F7: variants seen among roughly 807,000 people sequenced by gnomAD.
F7 encodes coagulation factor VII.
A neutral mutation model predicts 47.5 loss-of-function variants in F7; 38 were observed. The ratio of observed to expected loss-of-function variants is 0.80; its 90% CI spans 0.62 to 1.05. The LOEUF is 1.05. Among genes scored for constraint, F7 ranks in the 50% least tolerant of loss-of-function variants. The probability of loss-of-function intolerance (pLI) is 0.00; values close to 1 mark genes in which losing one functional copy is unlikely to be tolerated. For missense variants in F7, 575 were observed against 605.4 expected, an observed-to-expected ratio of 0.95 and a Z score of 0.53; for synonymous variants, 244 against 258.5, an observed-to-expected ratio of 0.94 and a Z score of 0.54.
intron 1 of F7, chr13:113,106,830 ACCTT>A (rs758600377): frequency 6.3e-7 from 1 of 1,588,750 alleles, no homozygotes; most frequent in East Asian, 2.3e-5. Flanking sequence ...GACCCCGGCC[ACCTT>A]CCTGCCCCAG....
chr13:113,109,194 AGGGGCGTGGGTGTCCGG>A lies in F7; in HGVS notation c.65-1480_65-1464del, dbSNP rs1286659822. Among the ~76,000 whole-genome samples the A allele has an allele frequency of 1.5e-4, 7 of 45,864 alleles. No homozygotes were observed. The South Asian group carries it at 2.4e-3, about 16-fold the overall frequency. The allele number at this position is 45,864 out of a possible 152,430, so 30.1% of individuals were successfully genotyped here. A position where few individuals can be genotyped will look rare whatever the true frequency, so the allele number is the denominator to read the frequency against. ...GGTATCCCAGAAGTGTGAGTGTCCCAGGGGCGTGGGTGTCCGGGGGGCGTGGGTGTCCCGGGGGTGTG... is the reference window on the plus strand; with the variant it reads ...GGTATCCCAGAAGTGTGAGTGTCCCAGGGGCGTGGGTGTCCCGGGGGTGTG... On this transcript the variant is annotated intron_variant, in intron 1 of 7. Transcript: ENST00000346342.
chr13:113,117,385 A>G, intron 6 of F7, 88 bp from the exon 7 acceptor site: 3 of 1,588,894 alleles, frequency 1.9e-6, no homozygotes, highest in Non-Finnish European at 2.6e-6. Context: ...GTGCAATGCC[A>G]GAGGTTCCTT....
At position 113,118,999 on chromosome 13, in the gene F7, A is replaced by G; in HGVS notation, c.1326A>G (p.Pro442=). The G allele has an allele frequency of 6.3e-7, 1 of 1,599,364 alleles. No individual in the cohort carries two copies. The highest frequency in any genetic ancestry group is 8.5e-7 in the Non-Finnish European group (1 of 1,179,860). Residue 442 remains proline (P), a synonymous_variant, in exon 8 of 8, where the codon CCA becomes CCG. Transcript: ENST00000346342. ...GCCCAGGAGTCCTCCTGCGAGCCCCATTTCCCTAGCCCAGCAGCCCTGGCC... is the reference window on the plus strand; with the variant it reads ...GCCCAGGAGTCCTCCTGCGAGCCCCGTTTCCCTAGCCCAGCAGCCCTGGCC... ...EPRPGVLLRA[P]FP
intron 2 of F7, 91 bp downstream of exon 2, chr13:113,110,941 G>A (rs2036081138): frequency 7.1e-7 from 1 of 1,408,760 alleles, no homozygotes; most frequent in Non-Finnish European, 9.4e-7. Context: ...CTTTGGCTGC[G>A]GCTGTGGGCG....
intron 5 of F7, among the ~76,000 whole-genome samples, chr13:113,116,092 G>T (rs1595077536): frequency 6.6e-6 from 1 of 152,230 alleles, no homozygotes; most frequent in African/African-American, 2.4e-5. Flanking sequence ...CCACTCGCAG[G>T]ACCTCCGCCA....
Position 113,118,615 on chromosome 13 carries a change from G to A in F7, c.942G>A (p.Val314=). The part of the protein sequence containing the change: ...RTFSERTLAF[V]RFSLVSGWGQ... ...TCTCTGAGAGGACGCTGGCCTTCGT[G>A]CGCTTCTCATTGGTCAGCGGCTGGG... The change falls in exon 8 of 8, where the codon GTG becomes GTA. Residue 314 remains valine (V), a synonymous_variant. Coordinates refer to ENST00000346342, the MANE Select transcript of F7 (RefSeq NM_019616.4). 1 of 1,612,942 alleles carries A rather than the reference G, an allele frequency of 6.2e-7. No individual in the cohort carries two copies. The highest frequency in any genetic ancestry group is 1.1e-5 in the South Asian group (1 of 91,072).
chr13:113,108,730 G>C (rs1490141885), intron 1 of F7, among the ~76,000 whole-genome samples: 1 of 110,954 alleles, frequency 9.0e-6, no homozygotes, highest in African/African-American at 3.6e-5. Context: ...GGTCGTGGGT[G>C]TCCCGGGAGT....
intron 2 of F7, among the ~76,000 whole-genome samples, chr13:113,112,039 CTCACACAAGATACCACACGGGGCACACT>C: frequency 6.8e-6 from 1 of 147,272 alleles, no homozygotes; most frequent in South Asian, 2.2e-4. Context: ...CACAGGACAC[CTCACACAAGATACCACACGGGGCACACT>C]TCACACTCAC....
rs531225271 is a variant in F7 at position 113,118,758 on chromosome 13, C to T, written c.1085C>T (p.Thr362Met). 98 of 1,613,130 alleles carry T rather than the reference C, an allele frequency of 6.1e-5. No homozygotes were observed. Among genetic ancestry groups the T allele is most frequent in the South Asian group, 5.4e-4 (49 of 91,062 alleles). The change falls in exon 8 of 8, where the codon ACG (threonine) becomes ATG (methionine). Residue 362 changes from threonine (T) to methionine (M), a missense_variant. Transcript: ENST00000346342. ...SRKVGDSPNI[T>M]EYMFCAGYSD... ...AAGGTGGGAGACTCCCCAAATATCA[C>T]GGAGTACATGTTCTGTGCCGGCTAC...
At chr13:113,108,807 G>GT (rs1310106214) in intron 1 of F7, among the ~76,000 whole-genome samples, 4 of 81,826 alleles carry the variant, frequency 4.9e-5, no homozygotes, top group Admixed American at 1.2e-4. Context: ...TGTCCCGGGG[G>GT]CGTGGGTGTC....
chr13:113,108,844 T>A (rs1167710509), intron 1 of F7, among the ~76,000 whole-genome samples: 1 of 45,774 alleles, frequency 2.2e-5, no homozygotes, highest in African/African-American at 8.1e-5. Context: ...CCCGGGGGAG[T>A]GGGTGTCCCG....
At chr13:113,107,206 G>A (rs2035977884) in intron 1 of F7, among the ~76,000 whole-genome samples, 1 of 152,028 alleles carries the variant, frequency 6.6e-6, no homozygotes, top group African/African-American at 2.4e-5. Flanking sequence ...TCACCCCAGG[G>A]CGGTCACCGG....
At chr13:113,111,619 G>A (rs1225366200) in intron 2 of F7, among the ~76,000 whole-genome samples, 1 of 120,976 alleles carries the variant, frequency 8.3e-6, no homozygotes, top group Non-Finnish European at 1.7e-5. Flanking sequence ...CCTCACACAG[G>A]GCACACTTCA....
At chr13:113,118,142 C>A (rs148738753) in intron 7 of F7, among the ~76,000 whole-genome samples, 1 of 152,126 alleles carries the variant, frequency 6.6e-6, no homozygotes, top group African/African-American at 2.4e-5. Context: ...AATCGGGGCA[C>A]GCCCTGTCCT....
Position 113,118,605 on chromosome 13 carries a change from T to C in F7, c.932T>C (p.Leu311Pro). ...GAACGGACGTTCTCTGAGAGGACGC[T>C]GGCCTTCGTGCGCTTCTCATTGGTC... is the stretch of plus-strand genomic sequence containing the variant. ...LPERTFSERT[L>P]AFVRFSLVSG... The change falls in exon 8 of 8, where the codon CTG (leucine) becomes CCG (proline). Residue 311 changes from leucine (L) to proline (P), a missense_variant. Coordinates refer to ENST00000346342, the MANE Select transcript of F7 (RefSeq NM_019616.4). 6.2e-7 allele frequency: 1 copy of C among 1,612,878 alleles called. No homozygotes were observed. The highest frequency in any genetic ancestry group is 8.5e-7 in the Non-Finnish European group (1 of 1,179,918).
At chr13:113,114,037 C>A in intron 4 of F7, 77 bp downstream of exon 4, 2 of 1,500,804 alleles carry the variant, frequency 1.3e-6, no homozygotes, top group Non-Finnish European at 1.8e-6. Flanking sequence ...AACCGGGCTG[C>A]AGGGTGCACA....
Position 113,116,761 on chromosome 13 carries a change from C to T in F7, c.506-5C>T. On this transcript the variant is annotated splice_region_variant and splice_polypyrimidine_tract_variant and intron_variant, in intron 5 of 7. Transcript: ENST00000346342. Reference sequence around the variant, plus strand: ...CTGCATCTTTCTGACTTTTGTTTTACACAGTTGAATATCCATGTGGAAAAA... The same window carrying T: ...CTGCATCTTTCTGACTTTTGTTTTATACAGTTGAATATCCATGTGGAAAAA... 6.2e-7 allele frequency: 1 copy of T among 1,600,552 alleles called. No individual in the cohort carries two copies. The highest frequency in any genetic ancestry group is 8.6e-7 in the Non-Finnish European group (1 of 1,167,716).
chr13:113,106,880 G>A (rs1161208094), intron 1 of F7: 1 of 1,607,084 alleles, frequency 6.2e-7, no homozygotes, highest in South Asian at 1.1e-5. Context: ...AGAAACACGG[G>A]ACATGCCGTG....
chr13:113,119,062 G>T lies in F7; in HGVS notation c.*54G>T. On this transcript the variant is annotated 3_prime_UTR_variant, in exon 8 of 8. Transcript: ENST00000346342. Reference sequence around the variant, plus strand: ...GCCAAGGCTGCGTCGAACTGTCCTGGCACCAAATCCCATATATTCTTCTGC... The same window carrying T: ...GCCAAGGCTGCGTCGAACTGTCCTGTCACCAAATCCCATATATTCTTCTGC... The T allele has an allele frequency of 6.6e-7, 1 of 1,524,824 alleles. No individual in the cohort carries two copies. The highest frequency in any genetic ancestry group is 8.9e-7 in the Non-Finnish European group (1 of 1,123,904). The allele number at this position is 1,524,824 out of a possible 1,614,324, so 94.5% of individuals were successfully genotyped here.
Sources: gnomAD v4.1 joint callset for allele counts (sites outside exome capture counted in the v4.1 genomes callset) on GRCh38, gnomAD v4.1.1 for gene constraint, MANE v1.5 for transcripts, NCBI Gene and HGNC (gene_info 2026-07-23, HGNC 2026-07-21) for gene names.